Variants in SLC9B1 observed in about 807,000 individuals in gnomAD.
SLC9B1 encodes solute carrier family 9 member B1, also known as sodium/hydrogen exchanger 9B1.
Under a neutral mutation model 51.7 loss-of-function variants are expected in SLC9B1, and 32 were observed. That is an observed-to-expected ratio of 0.62 (90% CI 0.47 to 0.83). The LOEUF (loss-of-function observed/expected upper bound fraction) is 0.83. Ranked by LOEUF, SLC9B1 falls within the 40% of genes least tolerant of loss-of-function variation. SLC9B1 has a pLI of 0.00. For synonymous variants in SLC9B1, 145 were observed against 212.7 expected (o/e 0.68, Z 2.77); for missense variants, 406 against 613.2 (o/e 0.66, Z 3.57).
At chr4:103,016,155 G>GAAAAAAAAAAAAAAAAAA (rs1286956791) in intron 1 of SLC9B1, among the ~76,000 whole-genome samples, 26 of 74,228 alleles carry the variant, frequency 3.5e-4, no homozygotes, top group Admixed American at 7.1e-4. Context: ...AAAAAAAAAG[G>GAAAAAAAAAAAAAAAAAA]AAAGTATATG....
chr4:103,019,258 T>A (rs188252504), intron 1 of SLC9B1, among the ~76,000 whole-genome samples: 69 of 152,280 alleles, frequency 4.5e-4, no homozygotes, highest in Non-Finnish European at 8.8e-4. Context: ...GGATCCACCG[T>A]TTGTAAAATA....
chr4:102,951,351 A>C (rs1441650301), intron 3 of SLC9B1, among the ~76,000 whole-genome samples: 1 of 152,196 alleles, frequency 6.6e-6, no homozygotes, highest in Non-Finnish European at 1.5e-5. Context: ...GTGAATCTGA[A>C]CTTAAAATAA....
chr4:102,980,587 G>A (rs1739301129), intron 3 of SLC9B1, among the ~76,000 whole-genome samples: 1 of 151,948 alleles, frequency 6.6e-6, no homozygotes, highest in Admixed American at 6.6e-5. Flanking sequence ...TTGTTGAGGG[G>A]GTTGAGGGAC....
Position 102,949,349 on chromosome 4 carries a change from C to G in SLC9B1, c.290G>C (p.Gly97Ala). 1 of 1,610,728 alleles carries G rather than the reference C, an allele frequency of 6.2e-7. No homozygotes were observed. The highest frequency in any genetic ancestry group is 1.1e-5 in the South Asian group (1 of 90,782). Reference sequence around the variant, plus strand: ...GGCACTATAAAAAATAATGAACAACCCAAATAAATTTCCACCAGGGAGAGC... The same window carrying G: ...GGCACTATAAAAAATAATGAACAACGCAAATAAATTTCCACCAGGGAGAGC... ...SEALPGGNLF[G>A]LFIIFYSAII... Residue 97 changes from glycine (G) to alanine (A), a missense_variant, in exon 4 of 12, where the codon GGG becomes GCG. By Grantham distance (60) the Gly-to-Ala change is moderately conservative (BLOSUM62 0). Coordinates refer to ENST00000296422, the MANE Select transcript of SLC9B1 (RefSeq NM_139173.4).
intron 6 of SLC9B1, among the ~76,000 whole-genome samples, chr4:102,935,113 T>G (rs549770040): frequency 6.4e-4 from 97 of 152,010 alleles, no homozygotes; most frequent in Non-Finnish European, 1.3e-3. Flanking sequence ...ATACATATAA[T>G]TTACAAATAC....
At chr4:102,907,504 A>T (rs1441084477) in intron 9 of SLC9B1, among the ~76,000 whole-genome samples, 1 of 152,192 alleles carries the variant, frequency 6.6e-6, no homozygotes, top group African/African-American at 2.4e-5. Context: ...CAAAACCAAA[A>T]CATATATTAG....
chr4:102,959,235 TAC>T (rs34697499), intron 3 of SLC9B1, among the ~76,000 whole-genome samples: 78,216 of 149,120 alleles, frequency 0.52, 20,472 homozygotes, highest in African/African-American at 0.61. Context: ...CATATATATA[TAC>T]ACACACACAC....
rs141412944 is a variant in SLC9B1, at chr4:102,974,242, G to GAAA, written c.211+15555_211+15557dup. ...ACAGAGCAAGACTCTGTCTAAAATT[G>GAAA]AAAAAAAAAAAAAAAAAAAAAAAAT... On this transcript the variant is annotated intron_variant, in intron 3 of 11. Transcript: ENST00000296422. Among the ~76,000 whole-genome samples, 51 of 53,452 alleles carry GAAA rather than the reference G, an allele frequency of 9.5e-4. 9 individuals carry two copies. The highest frequency in any genetic ancestry group is 2.9e-3 in the African/African-American group (40 of 13,670). The allele number at this position is 53,452 out of a possible 152,430, so 35.1% of individuals were successfully genotyped here.
chr4:102,942,736 A>T (rs2110470015), intron 6 of SLC9B1, among the ~76,000 whole-genome samples: 1 of 152,290 alleles, frequency 6.6e-6, no homozygotes, highest in East Asian at 1.9e-4. Flanking sequence ...AGAAGGTAAC[A>T]TTGGAAATAC....
intron 7 of SLC9B1, among the ~76,000 whole-genome samples, chr4:102,918,251 G>T (rs1017048024): frequency 6.6e-6 from 1 of 151,916 alleles, no homozygotes; most frequent in African/African-American, 2.4e-5. Flanking sequence ...AAATAAAAAG[G>T]ATTCTAAGAG....
intron 3 of SLC9B1, among the ~76,000 whole-genome samples, chr4:102,972,863 T>C (rs1298446629): frequency 2.6e-5 from 4 of 152,144 alleles, no homozygotes; most frequent in African/African-American, 9.7e-5. Flanking sequence ...TGATCAAAAT[T>C]AATGCATCCT....
At chr4:102,974,991 C>T (rs1363115584) in intron 3 of SLC9B1, among the ~76,000 whole-genome samples, 4 of 152,050 alleles carry the variant, frequency 2.6e-5, no homozygotes, top group Admixed American at 2.6e-4. Flanking sequence ...TTTGCCCAAG[C>T]AGCTTTTATT....
At chr4:102,957,828 A>T (rs545732692) in intron 3 of SLC9B1, among the ~76,000 whole-genome samples, 120 of 151,398 alleles carry the variant, frequency 7.9e-4, no homozygotes, top group Middle Eastern at 3.4e-3. Context: ...TCTCTTTTTT[A>T]AAAAAAGCAT....
At chr4:102,956,812 G>T (rs1202490822) in intron 3 of SLC9B1, among the ~76,000 whole-genome samples, 1 of 152,086 alleles carries the variant, frequency 6.6e-6, no homozygotes, top group South Asian at 2.1e-4. Context: ...TATCAGACAT[G>T]TAAGGAAACA....
intron 1 of SLC9B1, among the ~76,000 whole-genome samples, chr4:103,008,549 T>A (rs1248329346): frequency 6.6e-6 from 1 of 150,938 alleles, no homozygotes; most frequent in Non-Finnish European, 1.5e-5. Context: ...GTCCGTCTAG[T>A]TTTTTTATTT....
At chr4:102,935,180 G>A (rs1736658276) in intron 6 of SLC9B1, among the ~76,000 whole-genome samples, 1 of 152,130 alleles carries the variant, frequency 6.6e-6, no homozygotes, top group African/African-American at 2.4e-5. Flanking sequence ...ATGGACAAAG[G>A]ATATGAACAG....
chr4:102,965,874 G>A (rs1738398832), intron 3 of SLC9B1, among the ~76,000 whole-genome samples: 1 of 152,110 alleles, frequency 6.6e-6, no homozygotes. Flanking sequence ...GGAGAAATAG[G>A]CCAAAAGAAG....
chr4:103,008,574 G>A (rs1221351710), intron 1 of SLC9B1, among the ~76,000 whole-genome samples: 1 of 151,616 alleles, frequency 6.6e-6, no homozygotes, highest in African/African-American at 2.4e-5. Context: ...GAAGAGATGG[G>A]GTTTCACCAT....
intron 7 of SLC9B1, among the ~76,000 whole-genome samples, chr4:102,912,448 A>G (rs2110434162): frequency 6.6e-6 from 1 of 152,316 alleles, no homozygotes; most frequent in African/African-American, 2.4e-5. Flanking sequence ...TAATATTAAT[A>G]TATCCATACT....
Sources: allele counts gnomAD v4.1 joint callset (sites outside exome capture counted in the v4.1 genomes callset), GRCh38; gene constraint gnomAD v4.1.1; transcripts MANE v1.5; gene names NCBI Gene and HGNC (gene_info 2026-07-23, HGNC 2026-07-21).